The following FRMD4A variants were observed in gnomAD, a reference collection of about 807,000 sequenced individuals.
FRMD4A encodes FERM domain containing 4A.
Under a neutral mutation model 129.1 loss-of-function variants are expected in FRMD4A, and 29 were observed. The ratio of observed to expected loss-of-function variants is 0.22; its 90% CI spans 0.17 to 0.31. FRMD4A has a LOEUF of 0.31. FRMD4A is among the 10% of genes least tolerant of loss of function. The pLI, the probability that FRMD4A is intolerant of heterozygous loss-of-function variation, is 1.00. For missense variants in FRMD4A, 1,272 were observed against 1,375.8 expected (o/e 0.92, Z 1.19); for synonymous variants, 634 against 571.6 (o/e 1.11, Z -1.56).
At chr10:13,782,839 C>T (rs1669890244) in intron 6 of FRMD4A, 83 bp downstream of exon 6, 2 of 772,870 alleles carry the variant, frequency 2.6e-6, no homozygotes, top group African/African-American at 1.7e-5. Context: ...ATAAAATGGC[C>T]TAAGGGGTAA....
chr10:14,241,683 T>TAAAAAAAAAAAAAAAAAAA lies in FRMD4A; in HGVS notation c.45+88356_45+88374dup, dbSNP rs71388168. Among the ~76,000 whole-genome samples the TAAAAAAAAAAAAAAAAAAA allele has an allele frequency of 5.1e-4, 12 of 23,416 alleles. 1 individual carries two copies. The highest frequency in any genetic ancestry group is 8.8e-4 in the Non-Finnish European group (12 of 13,614). The allele number at this position is 23,416 out of a possible 152,430, so 15.4% of individuals were successfully genotyped here. A position where few individuals can be genotyped will look rare whatever the true frequency, so the allele number is the denominator to read the frequency against. On this transcript the variant is annotated intron_variant, in intron 2 of 24. Transcript: ENST00000357447. ...GGAGAGGGATTTGTTTTACCCTCCCTAAAAAAAAAAAAAAAAAAAAAAAAA... is the reference window on the plus strand; with the variant it reads ...GGAGAGGGATTTGTTTTACCCTCCCTAAAAAAAAAAAAAAAAAAAAAAAAAAAAAAAAAAAAAAAAAAAA...
intron 2 of FRMD4A, among the ~76,000 whole-genome samples, chr10:14,169,133 A>G (rs1192235727): frequency 6.6e-6 from 1 of 152,200 alleles, no homozygotes; most frequent in Non-Finnish European, 1.5e-5. Flanking sequence ...ATAAAAATAT[A>G]CAATGTCTGC....
chr10:13,737,020 T>G (rs539409285), intron 12 of FRMD4A, among the ~76,000 whole-genome samples: 3 of 152,248 alleles, frequency 2.0e-5, no homozygotes, highest in Non-Finnish European at 4.4e-5. Context: ...CCTTATTTTC[T>G]GATCACCTTT....
At position 13,974,876 on chromosome 10, in the gene FRMD4A, C is replaced by T. The variant is rs147991042; in HGVS notation, c.46-115964G>A. On this transcript the variant is annotated intron_variant, in intron 2 of 24. Transcript: ENST00000357447. ...TTCAGAGTTTCACAAGGCAGCTCCC[C>T]ACGTGGCCTCTGAGAGGCTGTGCGT... Among the ~76,000 whole-genome samples the T allele has an allele frequency of 2.0e-3, 312 of 152,338 alleles. 3 individuals are homozygous for T. Among genetic ancestry groups the T allele is most frequent in the Non-Finnish European group, 3.5e-3 (239 of 68,032 alleles).
At chr10:14,083,043 A>G (rs1007810149) in intron 2 of FRMD4A, 3 of 152,234 alleles carry the variant, frequency 2.0e-5, no homozygotes, top group Admixed American at 2.0e-4. Flanking sequence ...GGTGCAAGGT[A>G]AGATTTGAAG....
intron 12 of FRMD4A, among the ~76,000 whole-genome samples, chr10:13,719,262 C>T (rs1351374474): frequency 2.0e-5 from 3 of 152,184 alleles, no homozygotes; most frequent in Non-Finnish European, 2.9e-5. Context: ...GAGCCACAGC[C>T]GAGGAGCCGT....
At chr10:13,915,941 G>T (rs560878675) in intron 2 of FRMD4A, among the ~76,000 whole-genome samples, 1 of 152,288 alleles carries the variant, frequency 6.6e-6, no homozygotes, top group African/African-American at 2.4e-5. Context: ...CCAGTTGGGG[G>T]GTTGGCTCAG....
chr10:14,044,332 T>C (rs1833900190), intron 2 of FRMD4A, among the ~76,000 whole-genome samples: 1 of 152,374 alleles, frequency 6.6e-6, no homozygotes, highest in Middle Eastern at 3.4e-3. Flanking sequence ...CTTTCTGCAT[T>C]TGGCTGCTTC....
chr10:14,066,649 C>T (rs552846719), intron 2 of FRMD4A, among the ~76,000 whole-genome samples: 1 of 152,276 alleles, frequency 6.6e-6, no homozygotes, highest in Non-Finnish European at 1.5e-5. Flanking sequence ...ACTCTGAATT[C>T]ATGGCGAAAA....
intron 2 of FRMD4A, among the ~76,000 whole-genome samples, chr10:14,099,510 C>T (rs1837187267): frequency 6.6e-6 from 1 of 152,160 alleles, no homozygotes; most frequent in African/African-American, 2.4e-5. Flanking sequence ...CAGGCATGCC[C>T]AACTCCTACA....
chr10:13,734,248 G>T (rs947720445), intron 12 of FRMD4A, among the ~76,000 whole-genome samples: 3 of 152,004 alleles, frequency 2.0e-5, no homozygotes, highest in African/African-American at 7.2e-5. Flanking sequence ...GGTGTTGCCC[G>T]CCCTACCCTC....
chr10:13,744,011 C>A (rs1333539861), intron 9 of FRMD4A, among the ~76,000 whole-genome samples: 2 of 152,112 alleles, frequency 1.3e-5, no homozygotes, highest in Non-Finnish European at 2.9e-5. Context: ...ATGATCAAAG[C>A]TGCCTGTGCC....
Position 13,646,965 on chromosome 10 carries a change from G to T in FRMD4A, c.*73C>A. 3 of 983,792 alleles carry T rather than the reference G, an allele frequency of 3.0e-6. No homozygotes were observed. Among genetic ancestry groups the T allele is most frequent in the African/African-American group, 1.7e-5 (1 of 57,304 alleles). 60.9% of individuals were successfully genotyped at this position (983,792 alleles called of 1,614,324 possible). ...AGGGTCCCGGGCTTGGCTTTTTCCT[G>T]CCCGTACCACTGGACATCAGCTAGT... is the stretch of plus-strand genomic sequence containing the variant. On this transcript the variant is annotated 3_prime_UTR_variant, in exon 25 of 25. Transcript: ENST00000357447.
intron 2 of FRMD4A, among the ~76,000 whole-genome samples, chr10:13,925,800 G>C (rs1253958087): frequency 6.6e-6 from 1 of 150,650 alleles, no homozygotes; most frequent in African/African-American, 2.4e-5. Context: ...AGCCAGGATG[G>C]TCTAGATCTC....
chr10:13,984,862 A>C (rs1208478435), intron 2 of FRMD4A, among the ~76,000 whole-genome samples: 1 of 152,112 alleles, frequency 6.6e-6, no homozygotes, highest in African/African-American at 2.4e-5. Context: ...CCTGCTTCCC[A>C]TTCCTTTGGG....
chr10:13,944,871 G>A (rs755537657), intron 2 of FRMD4A, among the ~76,000 whole-genome samples: 3 of 152,174 alleles, frequency 2.0e-5, no homozygotes, highest in African/African-American at 7.2e-5. Context: ...TGAAGAACAC[G>A]GAATAGCTGA....
chr10:14,064,258 C>T (rs530040346), intron 2 of FRMD4A, among the ~76,000 whole-genome samples: 238 of 152,306 alleles, frequency 1.6e-3, no homozygotes, highest in African/African-American at 5.2e-3. Context: ...TGATGTTTTC[C>T]GTAACTACAG....
At chr10:14,066,006 ATT>A (rs1555029356) in intron 2 of FRMD4A, among the ~76,000 whole-genome samples, 1 of 29,204 alleles carries the variant, frequency 3.4e-5, no homozygotes, top group Admixed American at 4.1e-4. Flanking sequence ...GGGGGTATGT[ATT>A]TGTGTGTGTG....
intron 2 of FRMD4A, among the ~76,000 whole-genome samples, chr10:14,315,999 C>A (rs895529188): frequency 1.3e-5 from 2 of 152,246 alleles, no homozygotes; most frequent in African/African-American, 4.8e-5. Flanking sequence ...GGGTGCCCTG[C>A]TCTGTGCTCT....
Sources: allele counts gnomAD v4.1 joint callset (sites outside exome capture counted in the v4.1 genomes callset), GRCh38; gene constraint gnomAD v4.1.1; transcripts MANE v1.5; gene names NCBI Gene and HGNC (gene_info 2026-07-23, HGNC 2026-07-21).